Variants in GYPE observed in about 807,000 individuals in gnomAD.
GYPE encodes the protein glycophorin E (MNS blood group), also known as glycophorin-E.
GYPE carries 8 observed loss-of-function variants against 11.6 expected under a neutral mutation model. The ratio of observed to expected loss-of-function variants is 0.69; its 90% CI spans 0.41 to 1.25. GYPE has a LOEUF of 1.25. Ranked by LOEUF, GYPE falls within the 50% of genes most tolerant of loss-of-function variation. The pLI, the probability that GYPE is intolerant of heterozygous loss-of-function variation, is 0.01. For synonymous variants in GYPE, 28 were observed against 29.6 expected (o/e 0.94, Z 0.18); for missense variants, 90 against 92.8 (o/e 0.97, Z 0.12).
intron 1 of GYPE, among the ~76,000 whole-genome samples, chr4:143,886,370 A>C (rs1394999030): frequency 1.4e-5 from 2 of 146,192 alleles, no homozygotes; most frequent in Admixed American, 6.9e-5. Flanking sequence ...ACATCCTCAA[A>C]TTCTAAAGCT....
intron 2 of GYPE, among the ~76,000 whole-genome samples, chr4:143,878,028 T>G (rs558000192): frequency 6.6e-6 from 1 of 150,702 alleles, no homozygotes; most frequent in South Asian, 2.2e-4. Context: ...GAGGCTTCTT[T>G]CAAGTACTCA....
At chr4:143,878,483 G>C (rs530606577) in intron 2 of GYPE, among the ~76,000 whole-genome samples, 27 of 152,250 alleles carry the variant, frequency 1.8e-4, no homozygotes, top group Middle Eastern at 6.8e-3. Context: ...ATTTTAAAAA[G>C]AGAATATTTT....
At chr4:143,895,322 A>C (rs1349436024) in intron 1 of GYPE, among the ~76,000 whole-genome samples, 7 of 152,218 alleles carry the variant, frequency 4.6e-5, no homozygotes, top group Non-Finnish European at 8.8e-5. Context: ...AGGATAGAAA[A>C]TCAAGGTACA....
At chr4:143,895,245 A>G (rs1045404854) in intron 1 of GYPE, among the ~76,000 whole-genome samples, 2 of 152,206 alleles carry the variant, frequency 1.3e-5, no homozygotes, top group African/African-American at 4.8e-5. Flanking sequence ...ATGATTGTAT[A>G]TCTAGAAAAC....
intron 3 of GYPE, 82 bp downstream of exon 3, chr4:143,876,664 G>A (rs188655100): frequency 1.7e-5 from 12 of 726,398 alleles, no homozygotes; most frequent in Non-Finnish European, 2.7e-5. Flanking sequence ...TCTCTTTTGA[G>A]TTTAACTGAA....
intron 1 of GYPE, among the ~76,000 whole-genome samples, chr4:143,882,891 T>C (rs978219700): frequency 6.6e-6 from 1 of 152,162 alleles, no homozygotes; most frequent in Non-Finnish European, 1.5e-5. Flanking sequence ...TTTCTCAGCA[T>C]GAGAATAGTG....
intron 1 of GYPE, among the ~76,000 whole-genome samples, chr4:143,885,380 A>C (rs192952545): frequency 6.6e-6 from 1 of 152,310 alleles, no homozygotes; most frequent in Non-Finnish European, 1.5e-5. Flanking sequence ...GAGCTTTATC[A>C]AAACAATTTT....
chr4:143,876,983 A>G (rs557188239), intron 2 of GYPE, 128 bp from the exon 3 acceptor site: 24 of 669,714 alleles, frequency 3.6e-5, no homozygotes, highest in Middle Eastern at 2.5e-4. Context: ...TTAATATACT[A>G]TCATGTGTAT....
chr4:143,881,616 T>C (rs946134128), intron 1 of GYPE, among the ~76,000 whole-genome samples: 12 of 152,218 alleles, frequency 7.9e-5, no homozygotes, highest in African/African-American at 2.9e-4. Context: ...GATATCCCTA[T>C]GCTGTCAAAT....
intron 1 of GYPE, among the ~76,000 whole-genome samples, chr4:143,903,543 GA>G (rs1191646148): frequency 6.3e-5 from 5 of 79,512 alleles, no homozygotes; most frequent in South Asian, 4.5e-4. Context: ...AAAAAAAAAA[GA>G]AAAAAAAAGA....
rs574393824 is a variant in GYPE at position 143,871,215 on chromosome 4, G to T, written c.*1047C>A. 1 of 152,028 alleles carries T rather than the reference G, an allele frequency of 6.6e-6. No homozygotes were observed. The highest frequency in any genetic ancestry group is 2.4e-5 in the African/African-American group (1 of 41,386). The allele number at this position is 152,028 out of a possible 1,614,324, so 9.4% of individuals were successfully genotyped here. A position where few individuals can be genotyped will look rare whatever the true frequency, so the allele number is the denominator to read the frequency against. On this transcript the variant is annotated 3_prime_UTR_variant, in exon 4 of 4. Coordinates refer to ENST00000358615, the MANE Select transcript of GYPE (RefSeq NM_198682.3). ...ATATCAGTCATTCCACATATTGAGTGATTTCTCTCTTCTATTCAGTATTCT... is the reference window on the plus strand; with the variant it reads ...ATATCAGTCATTCCACATATTGAGTTATTTCTCTCTTCTATTCAGTATTCT...
chr4:143,900,209 G>T (rs4277730), intron 1 of GYPE, among the ~76,000 whole-genome samples: 129,310 of 138,294 alleles, frequency 0.94, 61,239 homozygotes, highest in East Asian at 1. Context: ...TCAGCATCAT[G>T]AGTTATCAGG....
At chr4:143,876,563 T>C (rs1378232999) in intron 3 of GYPE, among the ~76,000 whole-genome samples, 183 bp downstream of exon 3, 3 of 152,112 alleles carry the variant, frequency 2.0e-5, no homozygotes, top group Non-Finnish European at 4.4e-5. Context: ...CTCCCTTTAA[T>C]TGGGCAAATG....
chr4:143,885,135 C>G (rs1354910846), intron 1 of GYPE, among the ~76,000 whole-genome samples: 40 of 151,724 alleles, frequency 2.6e-4, no homozygotes, highest in East Asian at 1.2e-3. Flanking sequence ...GGTGGAGAAG[C>G]CCTATAGCCT....
chr4:143,873,458 T>C (rs1204428199), intron 3 of GYPE: 2 of 455,798 alleles, frequency 4.4e-6, no homozygotes, highest in Middle Eastern at 3.3e-4. Context: ...GAGCAAATTA[T>C]GTTACCAATA....
intron 1 of GYPE, among the ~76,000 whole-genome samples, chr4:143,896,724 A>C (rs1450911056): frequency 6.6e-6 from 1 of 152,202 alleles, no homozygotes. Flanking sequence ...TTATTGCGGC[A>C]CTATTCACAA....
At chr4:143,874,705 C>T (rs1358620580) in intron 3 of GYPE, among the ~76,000 whole-genome samples, 1 of 152,136 alleles carries the variant, frequency 6.6e-6, no homozygotes, top group African/African-American at 2.4e-5. Flanking sequence ...ACATTGGGAC[C>T]CCAGGTCCTT....
rs548496448 is a variant in GYPE at position 143,881,762 on chromosome 4, C to T, written c.38-1253G>A. Among the ~76,000 whole-genome samples the T allele has an allele frequency of 9.9e-5, 15 of 152,168 alleles. No homozygotes were observed. The South Asian group carries it at 1.2e-3, about 13-fold the overall frequency. ...GAGAGTTATAAATCATTATGATAAA[C>T]GTCAGTACCCTGAACTCTGTAGATG... On this transcript the variant is annotated intron_variant, in intron 1 of 3. Transcript: ENST00000358615.
At chr4:143,897,163 TA>T (rs562144648) in intron 1 of GYPE, among the ~76,000 whole-genome samples, 77 of 151,876 alleles carry the variant, frequency 5.1e-4, no homozygotes, top group African/African-American at 1.6e-3. Flanking sequence ...ATAATAATAA[TA>T]AAAAAAATTA....
Sources: gnomAD v4.1 joint callset for allele counts (sites outside exome capture counted in the v4.1 genomes callset) on GRCh38, gnomAD v4.1.1 for gene constraint, MANE v1.5 for transcripts, NCBI Gene and HGNC (gene_info 2026-07-23, HGNC 2026-07-21) for gene names.